The following WDR70 variants were observed in gnomAD, a reference collection of about 807,000 sequenced individuals.
The protein encoded by WDR70 is WD repeat-containing protein 70.
Under a neutral mutation model 88.6 loss-of-function variants are expected in WDR70, and 53 were observed. The observed-to-expected ratio is 0.60, with a 90% CI of 0.48 to 0.75. WDR70 has a LOEUF of 0.75. WDR70 is among the 30% of genes least tolerant of loss of function. The pLI is 0.00. For missense variants in WDR70, 610 were observed against 823.2 expected (o/e 0.74, Z 3.17); for synonymous variants, 280 against 270.0 (o/e 1.04, Z -0.36).
intron 7 of WDR70, among the ~76,000 whole-genome samples, chr5:37,462,537 T>C (rs1739038396): frequency 6.6e-6 from 1 of 152,092 alleles, no homozygotes; most frequent in Admixed American, 6.5e-5. Context: ...CGCCTGACCT[T>C]GTGATCCGCC....
At position 37,452,455 on chromosome 5, in the gene WDR70, G is replaced by A. The variant is rs151222017; in HGVS notation, c.686+9083G>A. ...TAATTTTTGTATTTTTAGTAGAGAC[G>A]TGGTTTCACCATGTTGGCCAGGCTG... On this transcript the variant is annotated intron_variant, in intron 7 of 17. Coordinates refer to ENST00000265107, the MANE Select transcript of WDR70 (RefSeq NM_018034.4). Among the ~76,000 whole-genome samples, 152 of 152,180 alleles carry A rather than the reference G, an allele frequency of 1.0e-3. 4 individuals carry two copies. In the East Asian group the frequency reaches 0.024, roughly 24 times the overall value.
intron 9 of WDR70, among the ~76,000 whole-genome samples, chr5:37,579,701 TTC>T (rs1460896326): frequency 2.6e-5 from 4 of 152,206 alleles, no homozygotes; most frequent in African/African-American, 9.6e-5. Flanking sequence ...TAAAAATCTG[TTC>T]TGTTATTGTG....
At chr5:37,545,591 T>C (rs654327) in intron 9 of WDR70, among the ~76,000 whole-genome samples, 24,123 of 151,832 alleles carry the variant, frequency 0.16, 3,121 homozygotes, top group African/African-American at 0.36. Flanking sequence ...TGGAGCGCAG[T>C]GGCTGATCTC....
intron 10 of WDR70, among the ~76,000 whole-genome samples, chr5:37,694,809 A>G (rs1050519974): frequency 6.6e-6 from 1 of 151,616 alleles, no homozygotes; most frequent in African/African-American, 2.4e-5. Flanking sequence ...TCAAACCTGC[A>G]TATTGTGCAC....
chr5:37,445,403 T>A (rs1267896969), intron 7 of WDR70, among the ~76,000 whole-genome samples: 1 of 152,134 alleles, frequency 6.6e-6, no homozygotes, highest in African/African-American at 2.4e-5. Context: ...AGCTACAAAT[T>A]GGTGATTTTC....
Position 37,613,604 on chromosome 5 carries a change from A to G in WDR70, c.1092+8366A>G, listed in dbSNP as rs150375982. The stretch of plus-strand genomic sequence containing the variant: ...AAAGGGGGCCTAATAAAGAGACCCT[A>G]TATTCCAGGCAAAGAAAATCTTCAT... On this transcript the variant is annotated intron_variant, in intron 10 of 17. Coordinates refer to ENST00000265107, the MANE Select transcript of WDR70 (RefSeq NM_018034.4). 7.0e-3 allele frequency among the ~76,000 whole-genome samples: 1,070 copies of G among 152,308 alleles called. 13 individuals are homozygous for G. Among genetic ancestry groups the G allele is most frequent in the African/African-American group, 0.024 (1,018 of 41,552 alleles).
intron 11 of WDR70, 112 bp downstream of exon 11, chr5:37,697,866 T>G: frequency 7.8e-6 from 6 of 772,274 alleles, no homozygotes; most frequent in Non-Finnish European, 1.2e-5. Context: ...TTTTTGTTAA[T>G]GCACCTTTGC....
intron 17 of WDR70, among the ~76,000 whole-genome samples, chr5:37,741,714 A>G (rs1000026556): frequency 1.3e-5 from 2 of 152,094 alleles, no homozygotes; most frequent in African/African-American, 2.4e-5. Context: ...CAGGCCATGG[A>G]CCAATAGCAG....
At chr5:37,434,064 TCA>T (rs1345398756) in intron 5 of WDR70, among the ~76,000 whole-genome samples, 2 of 152,220 alleles carry the variant, frequency 1.3e-5, no homozygotes, top group African/African-American at 4.8e-5. Context: ...TTTAATTGAC[TCA>T]CAGTTTCACA....
intron 10 of WDR70, among the ~76,000 whole-genome samples, chr5:37,654,882 G>A (rs537348699): frequency 6.6e-6 from 1 of 152,264 alleles, no homozygotes; most frequent in East Asian, 1.9e-4. Context: ...GCACACTGAT[G>A]GGTCTTGACT....
chr5:37,695,195 A>G (rs1746946613), intron 10 of WDR70, among the ~76,000 whole-genome samples: 1 of 152,090 alleles, frequency 6.6e-6, no homozygotes, highest in African/African-American at 2.4e-5. Context: ...CCACACACTT[A>G]AATCTCATGA....
At chr5:37,557,959 T>TTTGAAAACTCTCCA in intron 9 of WDR70, among the ~76,000 whole-genome samples, 1 of 146,506 alleles carries the variant, frequency 6.8e-6, no homozygotes, top group Non-Finnish European at 1.5e-5. Flanking sequence ...AAAAGAGTAT[T>TTTGAAAACTCTCCA]ATGTATATTT....
At chr5:37,486,967 A>G (rs914071536) in intron 8 of WDR70, among the ~76,000 whole-genome samples, 2 of 152,202 alleles carry the variant, frequency 1.3e-5, no homozygotes, top group African/African-American at 4.8e-5. Context: ...TTCAAGAAGA[A>G]AGGAATCCGA....
At position 37,415,485 on chromosome 5, in the gene WDR70, A is replaced by T. The variant is rs62360218; in HGVS notation, c.492+18915A>T. On this transcript the variant is annotated intron_variant, in intron 5 of 17. Transcript: ENST00000265107. ...CTGATCCCCCCACCTCCCTCCCGGA[A>T]GGGGCGGCTGGGGGTGGGGGGGGCC... Among the ~76,000 whole-genome samples, 3 of 66,040 alleles carry T rather than the reference A, an allele frequency of 4.5e-5. 1 individual carries two copies. Among genetic ancestry groups the T allele is most frequent in the African/African-American group, 1.5e-4 (3 of 20,606 alleles). The allele number at this position is 66,040 out of a possible 152,430, so 43.3% of individuals were successfully genotyped here. A position where few individuals can be genotyped will look rare whatever the true frequency, so the allele number is the denominator to read the frequency against.
intron 12 of WDR70, 92 bp downstream of exon 12, chr5:37,701,234 G>T: frequency 2.5e-6 from 2 of 793,724 alleles, no homozygotes; most frequent in South Asian, 3.8e-5. Flanking sequence ...ACGTCTTTTA[G>T]ATCTTCTGGA....
At chr5:37,499,625 C>T (rs1414392729) in intron 8 of WDR70, among the ~76,000 whole-genome samples, 23 of 138,734 alleles carry the variant, frequency 1.7e-4, no homozygotes, top group Non-Finnish European at 3.3e-4. Context: ...CTCTCTCTCT[C>T]TCTCGTCTCG....
chr5:37,528,205 A>G (rs1394138224), intron 9 of WDR70, among the ~76,000 whole-genome samples: 2 of 152,208 alleles, frequency 1.3e-5, no homozygotes, highest in African/African-American at 4.8e-5. Context: ...CACTATTCAC[A>G]ATAGCAAAGA....
At chr5:37,709,246 G>A (rs945789913) in intron 13 of WDR70, among the ~76,000 whole-genome samples, 4 of 152,156 alleles carry the variant, frequency 2.6e-5, no homozygotes, top group African/African-American at 9.7e-5. Context: ...TTTTTATTAT[G>A]GAGCAATCAG....
intron 17 of WDR70, among the ~76,000 whole-genome samples, chr5:37,739,670 G>A (rs1384017107): frequency 6.6e-6 from 1 of 152,040 alleles, no homozygotes; most frequent in Non-Finnish European, 1.5e-5. Flanking sequence ...TATACTTTAA[G>A]TTCTGGGATA....
Sources: allele counts gnomAD v4.1 joint callset (sites outside exome capture counted in the v4.1 genomes callset), GRCh38; gene constraint gnomAD v4.1.1; transcripts MANE v1.5; gene names NCBI Gene and HGNC (gene_info 2026-07-23, HGNC 2026-07-21).